ABCA13: variants seen among roughly 807,000 people sequenced by gnomAD.
The protein encoded by ABCA13 is ATP binding cassette subfamily A member 13, also known as ATP-binding cassette sub-family A member 13.
Under a neutral mutation model 478.7 loss-of-function variants are expected in ABCA13, and 476 were observed. The ratio of observed to expected loss-of-function variants is 0.99; its 90% CI spans 0.92 to 1.07. The LOEUF is 1.07. Ranked by LOEUF, ABCA13 falls within the 50% of genes least tolerant of loss-of-function variation. ABCA13 has a pLI of 0.00. For synonymous variants in ABCA13, 2,252 were observed against 2,158.9 expected, an observed-to-expected ratio of 1.04 and a Z score of -1.20; for missense variants, 6,060 against 5,910.6, an observed-to-expected ratio of 1.03 and a Z score of -0.83.
chr7:48,540,039 G>A (rs996658113), intron 55 of ABCA13, among the ~76,000 whole-genome samples: 2 of 152,166 alleles, frequency 1.3e-5, no homozygotes, highest in Non-Finnish European at 2.9e-5. Context: ...TTTGAGGTTG[G>A]TATGTGTAAA....
At chr7:48,603,980 A>G (rs2131499557) in intron 58 of ABCA13, 1 of 152,208 alleles carries the variant, frequency 6.6e-6, no homozygotes, top group East Asian at 1.9e-4. Flanking sequence ...TATTTCAGTA[A>G]TTTATCCATT....
chr7:48,438,582 T>G (rs1015736340), intron 42 of ABCA13, among the ~76,000 whole-genome samples: 8 of 149,886 alleles, frequency 5.3e-5, no homozygotes, highest in African/African-American at 2.0e-4. Context: ...CTTTTTTTTT[T>G]TCTGCCATGT....
At chr7:48,179,024 A>T (rs371982687) in intron 1 of ABCA13, among the ~76,000 whole-genome samples, 1 of 147,652 alleles carries the variant, frequency 6.8e-6, no homozygotes, top group East Asian at 2.0e-4. Context: ...ATAATAATAA[A>T]AACAAAGACT....
chr7:48,593,644 T>C (rs777116747), intron 57 of ABCA13, among the ~76,000 whole-genome samples: 5 of 152,092 alleles, frequency 3.3e-5, no homozygotes, highest in Non-Finnish European at 5.9e-5. Flanking sequence ...TCCTTTTATT[T>C]TGTTTTGAAG....
At chr7:48,546,167 C>T (rs931455395) in intron 55 of ABCA13, among the ~76,000 whole-genome samples, 3 of 151,776 alleles carry the variant, frequency 2.0e-5, no homozygotes, top group Non-Finnish European at 2.9e-5. Flanking sequence ...TAGCCACTAG[C>T]CACTTGTAGC....
intron 58 of ABCA13, among the ~76,000 whole-genome samples, chr7:48,602,165 C>T (rs760383390): frequency 1.3e-5 from 2 of 152,106 alleles, no homozygotes; most frequent in South Asian, 2.1e-4. Flanking sequence ...TTCTCCCATT[C>T]TGTAGGTTGC....
chr7:48,520,001 A>G (rs1446367943), intron 52 of ABCA13, 40 bp from the exon 53 acceptor site: 2 of 1,552,058 alleles, frequency 1.3e-6, no homozygotes, highest in Non-Finnish European at 8.7e-7. Context: ...AAAGGGGAAT[A>G]GCTTTTAATT....
At chr7:48,365,336 T>G (rs62449228) in intron 31 of ABCA13, among the ~76,000 whole-genome samples, 11,328 of 152,222 alleles carry the variant, frequency 0.074, 548 homozygotes, top group Non-Finnish European at 0.1. Context: ...AGATGGATAC[T>G]TTGCAAATAT....
chr7:48,291,101 T>G (rs1230378167), intron 20 of ABCA13, among the ~76,000 whole-genome samples: 1 of 152,184 alleles, frequency 6.6e-6, no homozygotes, highest in Non-Finnish European at 1.5e-5. Context: ...TTCCTGAGTT[T>G]GCTACCATCC....
chr7:48,508,089 G>A, intron 50 of ABCA13, 40 bp downstream of exon 50: 2 of 1,613,070 alleles, frequency 1.2e-6, no homozygotes, highest in Non-Finnish European at 1.7e-6. Context: ...CTCCACAATA[G>A]TGATCTAAAT....
rs183522853 is a variant in ABCA13 at position 48,358,714 on chromosome 7, A to G, written c.10688+6227A>G. On this transcript the variant is annotated intron_variant, in intron 31 of 61. Transcript: ENST00000435803. ...TTAATGCAGTAGTTAGTGTACATTC[A>G]TAACTAATAAGGGGCGAAAAGGGAG... is the stretch of plus-strand genomic sequence containing the variant. Among the ~76,000 whole-genome samples, 1,320 of 152,184 alleles carry G rather than the reference A, an allele frequency of 8.7e-3. 8 individuals carry two copies. Among genetic ancestry groups the G allele is most frequent in the South Asian group, 0.03 (143 of 4,826 alleles).
At chr7:48,505,567 C>T (rs1427168866) in intron 48 of ABCA13, among the ~76,000 whole-genome samples, 1 of 152,140 alleles carries the variant, frequency 6.6e-6, no homozygotes, top group Non-Finnish European at 1.5e-5. Context: ...TTGGTAATGG[C>T]CTCCACATAC....
rs771361104 is a variant in ABCA13 at position 48,317,257 on chromosome 7, C to T, written c.9960C>T (p.Tyr3320=). 3.3e-5 allele frequency: 54 copies of T among 1,613,438 alleles called. No homozygotes were observed. In the Admixed American group the frequency reaches 9.0e-4, roughly 27 times the overall value. The change falls in exon 27 of 62, where the codon TAC becomes TAT. Residue 3320 remains tyrosine (Y), a synonymous_variant. Transcript: ENST00000435803. ...LKPILHGKIL[Y]TPNTPEINKV... ...CCATATTGCATGGAAAAATACTATA[C>T]ACACCAAACACTCCAGAAATTAACA... is the stretch of plus-strand genomic sequence containing the variant.
chr7:48,647,394 T>C lies in ABCA13; in HGVS notation c.*1882T>C, dbSNP rs1795491382. The C allele has an allele frequency of 6.6e-6, 1 of 152,212 alleles. No individual in the cohort carries two copies. The highest frequency in any genetic ancestry group is 1.5e-5 in the Non-Finnish European group (1 of 68,026). 9.4% of individuals were successfully genotyped at this position (152,212 alleles called of 1,614,324 possible). A position where few individuals can be genotyped will look rare whatever the true frequency, so the allele number is the denominator to read the frequency against. On this transcript the variant is annotated 3_prime_UTR_variant, in exon 62 of 62. Coordinates refer to ENST00000435803, the MANE Select transcript of ABCA13 (RefSeq NM_152701.5). ...ACATAGTCTAGTTGTCAAAAGGAAA[T>C]ATGTAATCTTTTTATGATTGTTGAA...
intron 45 of ABCA13, among the ~76,000 whole-genome samples, chr7:48,473,800 G>T (rs900303183): frequency 3.1e-4 from 47 of 152,228 alleles, no homozygotes; most frequent in Admixed American, 5.9e-4. Context: ...CAGATAAAAA[G>T]TTTTTTTGTT....
intron 41 of ABCA13, among the ~76,000 whole-genome samples, chr7:48,426,150 T>C (rs761183917): frequency 1.3e-5 from 2 of 152,230 alleles, no homozygotes; most frequent in African/African-American, 2.4e-5. Flanking sequence ...TAATCATTCT[T>C]CTTCTTATTA....
At chr7:48,609,832 G>A (rs979002187) in intron 58 of ABCA13, among the ~76,000 whole-genome samples, 3 of 152,178 alleles carry the variant, frequency 2.0e-5, no homozygotes, top group Non-Finnish European at 4.4e-5. Flanking sequence ...GATCTCATGA[G>A]AACTCACTCA....
intron 32 of ABCA13, 42 bp downstream of exon 32, chr7:48,367,950 G>T: frequency 1.4e-6 from 2 of 1,478,076 alleles, no homozygotes; most frequent in African/African-American, 2.8e-5. Context: ...AAGATAGGGA[G>T]GCTGGGGACT....
chr7:48,588,285 C>G (rs781772735), intron 57 of ABCA13, among the ~76,000 whole-genome samples: 3 of 152,172 alleles, frequency 2.0e-5, no homozygotes, highest in Non-Finnish European at 4.4e-5. Context: ...TTTGCACAAT[C>G]CTGAAGTTTA....
Sources: allele counts gnomAD v4.1 joint callset (sites outside exome capture counted in the v4.1 genomes callset), GRCh38; gene constraint gnomAD v4.1.1; transcripts MANE v1.5; gene names NCBI Gene and HGNC (gene_info 2026-07-23, HGNC 2026-07-21).